Variants in RBKS observed in about 807,000 individuals in gnomAD.
RBKS encodes the protein ribokinase.
RBKS carries 33 observed loss-of-function variants against 33.9 expected under a neutral mutation model. The ratio of observed to expected loss-of-function variants is 0.97; its 90% CI spans 0.74 to 1.30. The LOEUF (loss-of-function observed/expected upper bound fraction) is 1.30. Among genes scored for constraint, RBKS ranks in the 50% most tolerant of loss-of-function variants. The pLI is 0.00. For missense variants in RBKS, 361 were observed against 392.6 expected (o/e 0.92, Z 0.68); for synonymous variants, 125 against 143.0 (o/e 0.87, Z 0.90).
chr2:27,798,471 T>G (rs1400224880), intron 7 of RBKS, among the ~76,000 whole-genome samples: 2 of 152,120 alleles, frequency 1.3e-5, no homozygotes, highest in Non-Finnish European at 2.9e-5. Flanking sequence ...ATATACTTCA[T>G]CAATCACCAG....
At chr2:27,793,032 C>T (rs1677567968) in intron 7 of RBKS, among the ~76,000 whole-genome samples, 1 of 152,200 alleles carries the variant, frequency 6.6e-6, no homozygotes, top group East Asian at 1.9e-4. Flanking sequence ...ATTAGGTTGA[C>T]TCATCCACAA....
chr2:27,852,796 AC>A (rs1344656215), intron 2 of RBKS, among the ~76,000 whole-genome samples: 2 of 152,270 alleles, frequency 1.3e-5, no homozygotes, highest in East Asian at 3.8e-4. Flanking sequence ...TATGTTTAAC[AC>A]TAAAACTAAG....
chr2:27,843,909 C>CTGTCCAACATGGT (rs1215273642), intron 4 of RBKS, among the ~76,000 whole-genome samples: 2 of 152,158 alleles, frequency 1.3e-5, no homozygotes, highest in East Asian at 3.8e-4. Flanking sequence ...AAGAGCTGTG[C>CTGTCCAACATGGT]TGTCCAACAT....
At chr2:27,861,672 G>T (rs191749638) in intron 1 of RBKS, 25 of 422,890 alleles carry the variant, frequency 5.9e-5, no homozygotes, top group East Asian at 8.8e-5. Flanking sequence ...TTGGGGGGGG[G>T]GTGGAGTCTC....
chr2:27,784,885 C>T (rs1283404245), intron 7 of RBKS, among the ~76,000 whole-genome samples: 2 of 152,150 alleles, frequency 1.3e-5, no homozygotes, highest in Non-Finnish European at 2.9e-5. Flanking sequence ...GAGAAAGAGA[C>T]AGACATGGTT....
intron 7 of RBKS, among the ~76,000 whole-genome samples, chr2:27,804,941 T>G (rs1279874045): frequency 6.6e-6 from 1 of 151,790 alleles, no homozygotes; most frequent in African/African-American, 2.4e-5. Flanking sequence ...GTGGGAGGAT[T>G]GTTGAAGCCC....
chr2:27,794,875 C>T (rs148980138), intron 7 of RBKS, among the ~76,000 whole-genome samples: 6,598 of 152,142 alleles, frequency 0.043, 373 homozygotes, highest in African/African-American at 0.13. Flanking sequence ...CCGCCTGCCT[C>T]GGCCTCCCAA....
rs35205983 is a variant in RBKS at position 27,841,729 on chromosome 2, A to AACACACACACACACACACACACACACAC, written c.514+1310_514+1337dup. Among the ~76,000 whole-genome samples the AACACACACACACACACACACACACACAC allele has an allele frequency of 2.8e-5, 4 of 142,272 alleles. No homozygotes were observed. The East Asian group carries it at 6.3e-4, about 22-fold the overall frequency. 93.3% of individuals were successfully genotyped at this position (142,272 alleles called of 152,430 possible). On this transcript the variant is annotated intron_variant, in intron 5 of 7. Transcript: ENST00000302188. Reference sequence around the variant, plus strand: ...CACTTTGGGAGAAATCACTTATATAAACACACACACACACACACACACACA... The same window carrying AACACACACACACACACACACACACACAC: ...CACTTTGGGAGAAATCACTTATATAAACACACACACACACACACACACACACACACACACACACACACACACACACACA...
At position 27,861,552 on chromosome 2, in the gene RBKS, A is replaced by G; in HGVS notation, c.90-2981T>C. On this transcript the variant is annotated intron_variant, in intron 1 of 7. Coordinates refer to ENST00000302188, the MANE Select transcript of RBKS (RefSeq NM_022128.3). ...ACTGTGTCCTGATGTATCTCCTACA[A>G]GGCAAAATCAACTTGTTGACAATGG... The G allele has an allele frequency of 6.4e-6, 3 of 471,030 alleles. No homozygotes were observed. In the Middle Eastern group the frequency reaches 9.7e-4, roughly 153 times the overall value. The allele number at this position is 471,030 out of a possible 1,614,324, so 29.2% of individuals were successfully genotyped here.
At chr2:27,883,366 G>C (rs994806382) in intron 1 of RBKS, among the ~76,000 whole-genome samples, 4 of 151,944 alleles carry the variant, frequency 2.6e-5, no homozygotes, top group African/African-American at 9.7e-5. Flanking sequence ...CGCCCAGCTA[G>C]TTGTTTGCAT....
At chr2:27,803,565 T>TTATAGTC (rs1295398084) in intron 7 of RBKS, among the ~76,000 whole-genome samples, 1 of 151,842 alleles carries the variant, frequency 6.6e-6, no homozygotes, top group African/African-American at 2.4e-5. Flanking sequence ...TGGCATGTAC[T>TTATAGTC]TATAGTCCCG....
intron 1 of RBKS, chr2:27,861,443 G>A: frequency 2.1e-6 from 1 of 469,888 alleles, no homozygotes; most frequent in Non-Finnish European, 4.4e-6. Flanking sequence ...CCCAGTATCA[G>A]CAGCATTCCT....
At chr2:27,832,644 CTT>C (rs1412009774) in intron 6 of RBKS, 40 bp downstream of exon 6, 1 of 1,312,176 alleles carries the variant, frequency 7.6e-7, no homozygotes, top group South Asian at 1.2e-5. Context: ...CTTGTACAAA[CTT>C]TTGGTTTCTC....
intron 1 of RBKS, among the ~76,000 whole-genome samples, chr2:27,889,602 A>G (rs1406996395): frequency 6.6e-6 from 1 of 152,206 alleles, no homozygotes; most frequent in Non-Finnish European, 1.5e-5. Flanking sequence ...TTCATTTGGC[A>G]TATTTTCTAT....
At chr2:27,842,643 G>A (rs1470124933) in intron 5 of RBKS, among the ~76,000 whole-genome samples, 1 of 151,856 alleles carries the variant, frequency 6.6e-6, no homozygotes, top group African/African-American at 2.4e-5. Context: ...TTGGACAAGG[G>A]GCTGATTCAG....
At chr2:27,792,796 T>C (rs1677564079) in intron 7 of RBKS, among the ~76,000 whole-genome samples, 1 of 152,242 alleles carries the variant, frequency 6.6e-6, no homozygotes, top group South Asian at 2.1e-4. Flanking sequence ...CTTTACCTTT[T>C]TGGGCCTTCA....
chr2:27,793,890 A>C (rs1251608572), intron 7 of RBKS, among the ~76,000 whole-genome samples: 3 of 152,240 alleles, frequency 2.0e-5, no homozygotes, highest in Non-Finnish European at 2.9e-5. Flanking sequence ...TTTTGAGAGA[A>C]AGCAATAAAA....
intron 6 of RBKS, among the ~76,000 whole-genome samples, chr2:27,831,005 T>C (rs1678405822): frequency 6.6e-6 from 1 of 152,196 alleles, no homozygotes; most frequent in African/African-American, 2.4e-5. Flanking sequence ...AACCTCATTA[T>C]GCCCCCAGCT....
chr2:27,856,675 T>C (rs774839838), intron 2 of RBKS, among the ~76,000 whole-genome samples: 17 of 152,178 alleles, frequency 1.1e-4, no homozygotes, highest in Non-Finnish European at 2.2e-4. Flanking sequence ...TCCTTTAATG[T>C]CTCCAGCTCT....
Sources: gnomAD v4.1 joint callset for allele counts (sites outside exome capture counted in the v4.1 genomes callset) on GRCh38, gnomAD v4.1.1 for gene constraint, MANE v1.5 for transcripts, NCBI Gene and HGNC (gene_info 2026-07-23, HGNC 2026-07-21) for gene names.